The following AGMO variants were observed in gnomAD, a reference collection of about 807,000 sequenced individuals.
AGMO encodes the protein alkylglycerol monooxygenase.
A neutral mutation model predicts 60.2 loss-of-function variants in AGMO; 75 were observed. The ratio of observed to expected loss-of-function variants is 1.25; its 90% CI spans 1.03 to 1.51. The LOEUF (loss-of-function observed/expected upper bound fraction) is 1.51. Ranked by LOEUF, AGMO falls within the 40% of genes most tolerant of loss-of-function variation. AGMO has a pLI of 0.00. For missense variants in AGMO, 763 were observed against 525.5 expected, an observed-to-expected ratio of 1.45 and a Z score of -4.42; for synonymous variants, 261 against 177.1, an observed-to-expected ratio of 1.47 and a Z score of -3.76.
intron 3 of AGMO, among the ~76,000 whole-genome samples, chr7:15,503,498 G>A (rs555132514): frequency 2.4e-4 from 36 of 151,986 alleles, no homozygotes; most frequent in African/African-American, 8.7e-4. Flanking sequence ...CAAAAAAATG[G>A]AAATTTATGT....
chr7:15,134,184 G>A, the AGMO span, among the ~76,000 whole-genome samples: 2 of 151,852 alleles, frequency 1.3e-5, no homozygotes, highest in Admixed American at 1.3e-4. Context: ...TCTTTTCTGA[G>A]ACAGGTCTGG....
At chr7:15,364,754 A>G (rs1258788317) in intron 12 of AGMO, among the ~76,000 whole-genome samples, 1 of 152,078 alleles carries the variant, frequency 6.6e-6, no homozygotes, top group East Asian at 1.9e-4. Context: ...GAAAGTGTAT[A>G]TACTGGGTTT....
the AGMO span, among the ~76,000 whole-genome samples, chr7:15,171,856 G>C: frequency 6.6e-6 from 1 of 152,096 alleles, no homozygotes; most frequent in Non-Finnish European, 1.5e-5. Context: ...AATGTAAGCT[G>C]ACTTTAAAGA....
intron 12 of AGMO, among the ~76,000 whole-genome samples, chr7:15,291,170 T>C (rs1023423839): frequency 2.0e-5 from 3 of 152,212 alleles, no homozygotes; most frequent in South Asian, 2.1e-4. Context: ...TTATGGCATG[T>C]AAACTTTTAA....
chr7:15,145,578 G>A, the AGMO span, among the ~76,000 whole-genome samples: 13 of 152,108 alleles, frequency 8.5e-5, no homozygotes, highest in South Asian at 2.1e-4. Context: ...TGTTTTTACT[G>A]TATTTTTGGT....
intron 3 of AGMO, among the ~76,000 whole-genome samples, chr7:15,478,157 A>G (rs896093099): frequency 1.3e-5 from 2 of 152,192 alleles, no homozygotes; most frequent in African/African-American, 4.8e-5. Flanking sequence ...TATGAGTTAG[A>G]TATCGCTGAA....
At chr7:15,546,412 C>G (rs1160267152) in intron 2 of AGMO, among the ~76,000 whole-genome samples, 4 of 152,204 alleles carry the variant, frequency 2.6e-5, no homozygotes, top group Admixed American at 2.6e-4. Context: ...TGTACCCATA[C>G]CACATTGCCA....
intron 12 of AGMO, among the ~76,000 whole-genome samples, chr7:15,224,034 G>A (rs778720138): frequency 6.6e-5 from 10 of 151,986 alleles, no homozygotes; most frequent in Non-Finnish European, 1.3e-4. Flanking sequence ...TTATGCTGAT[G>A]TGTCAGAATT....
At chr7:15,314,130 T>C (rs941019490) in intron 12 of AGMO, among the ~76,000 whole-genome samples, 1 of 152,012 alleles carries the variant, frequency 6.6e-6, no homozygotes, top group African/African-American at 2.4e-5. Flanking sequence ...ACAGGTAGCA[T>C]ATATAGCATG....
At chr7:15,531,117 C>CTA (rs71004390) in intron 3 of AGMO, among the ~76,000 whole-genome samples, 2,677 of 10,694 alleles carry the variant, frequency 0.25, 643 homozygotes, top group East Asian at 0.48. Flanking sequence ...TATATATATT[C>CTA]TATATATATT....
intron 12 of AGMO, among the ~76,000 whole-genome samples, chr7:15,324,710 C>T (rs894473899): frequency 6.6e-6 from 1 of 152,164 alleles, no homozygotes; most frequent in African/African-American, 2.4e-5. Context: ...CAGGAAGAAA[C>T]TGTTCCACCT....
At position 15,544,897 on chromosome 7, in the gene AGMO, G is replaced by T. The variant is rs543424725; in HGVS notation, c.284C>A (p.Thr95Asn). Residue 95 changes from threonine (T) to asparagine (N), a missense_variant, in exon 3 of 13, where the codon ACC (threonine) becomes AAC (asparagine). Transcript: ENST00000342526. ...PSLFFRSIEL[T>N]SYIYIWENYR... ...GTTCTCCCAGATATAAATATAACTG[G>T]TCAGTTCAATGCTCCTGAAAAATAG... 9.5e-6 allele frequency: 15 copies of T among 1,584,244 alleles called. No homozygotes were observed. The African/African-American group carries it at 1.9e-4, about 20-fold the overall frequency.
intron 3 of AGMO, among the ~76,000 whole-genome samples, chr7:15,543,861 C>G (rs1312294281): frequency 4.6e-5 from 7 of 151,398 alleles, no homozygotes; most frequent in Non-Finnish European, 1.0e-4. Context: ...ATCTACTTTT[C>G]CTTCTTTAAG....
chr7:15,206,519 T>A (rs568057659), intron 12 of AGMO, among the ~76,000 whole-genome samples: 95 of 152,128 alleles, frequency 6.2e-4, no homozygotes, highest in Non-Finnish European at 1.2e-3. Context: ...TTTAAGGTTT[T>A]TTCCTATCTA....
At chr7:15,316,011 G>C (rs1357291113) in intron 12 of AGMO, among the ~76,000 whole-genome samples, 2 of 152,006 alleles carry the variant, frequency 1.3e-5, no homozygotes, top group Non-Finnish European at 2.9e-5. Flanking sequence ...GATATTATTA[G>C]AGGTAATATT....
At chr7:15,179,166 C>G in the AGMO span, among the ~76,000 whole-genome samples, 1 of 152,094 alleles carries the variant, frequency 6.6e-6, no homozygotes, top group African/African-American at 2.4e-5. Flanking sequence ...AAAACACATT[C>G]ATCCATCACA....
chr7:15,319,957 G>T (rs1296354482), intron 12 of AGMO, among the ~76,000 whole-genome samples: 1 of 152,092 alleles, frequency 6.6e-6, no homozygotes, highest in South Asian at 2.1e-4. Flanking sequence ...CATGTCCTTT[G>T]TAGGGACATG....
At chr7:15,296,137 T>C (rs1337056814) in intron 12 of AGMO, among the ~76,000 whole-genome samples, 2 of 152,156 alleles carry the variant, frequency 1.3e-5, no homozygotes, top group Non-Finnish European at 2.9e-5. Flanking sequence ...TTACAGACTT[T>C]TATAGTGAAT....
At chr7:15,465,131 T>C (rs1218486243) in intron 3 of AGMO, among the ~76,000 whole-genome samples, 1 of 151,946 alleles carries the variant, frequency 6.6e-6, no homozygotes, top group African/African-American at 2.4e-5. Context: ...TGTGTTCTGT[T>C]TGGTTTTGTT....
Sources: allele counts gnomAD v4.1 joint callset (sites outside exome capture counted in the v4.1 genomes callset), GRCh38; gene constraint gnomAD v4.1.1; transcripts MANE v1.5; gene names NCBI Gene and HGNC (gene_info 2026-07-23, HGNC 2026-07-21).